PTBP2: variants seen among roughly 807,000 people sequenced by gnomAD.
PTBP2 encodes polypyrimidine tract-binding protein 2.
Under a neutral mutation model 61.4 loss-of-function variants are expected in PTBP2, and 13 were observed. The observed-to-expected ratio is 0.21, with a 90% confidence interval of 0.14 to 0.34. PTBP2 has a LOEUF of 0.34. Ranked by LOEUF, PTBP2 falls within the 10% of genes least tolerant of loss-of-function variation. The probability of loss-of-function intolerance (pLI) is 1.00; values close to 1 mark genes in which losing one functional copy is unlikely to be tolerated. For missense variants in PTBP2, 405 were observed against 642.6 expected, an observed-to-expected ratio of 0.63 and a Z score of 4.00; for synonymous variants, 215 against 218.5, an observed-to-expected ratio of 0.98 and a Z score of 0.14.
intron 1 of PTBP2, 130 bp downstream of exon 1, chr1:96,722,002 C>A: frequency 1.7e-6 from 2 of 1,185,824 alleles, no homozygotes; most frequent in Non-Finnish European, 2.4e-6. Flanking sequence ...CCAACCCCCG[C>A]CCCATCGCAC....
intron 2 of PTBP2, among the ~76,000 whole-genome samples, chr1:96,746,801 A>G (rs1051612528): frequency 5.1e-5 from 7 of 136,898 alleles, no homozygotes; most frequent in African/African-American, 1.7e-4. Context: ...TTGCCTTGTC[A>G]CTTCTTTATG....
At chr1:96,740,762 G>A (rs1652892198) in intron 2 of PTBP2, among the ~76,000 whole-genome samples, 1 of 151,378 alleles carries the variant, frequency 6.6e-6, no homozygotes, top group Non-Finnish European at 1.5e-5. Flanking sequence ...TGCTTTTCTT[G>A]TTCAGTGTTA....
intron 5 of PTBP2, chr1:96,771,454 TAC>T (rs1557735205): frequency 1.3e-5 from 2 of 151,936 alleles, no homozygotes; most frequent in Non-Finnish European, 2.9e-5. Flanking sequence ...GTCAGTAAAA[TAC>T]AAACTTTTTC....
Position 96,821,235 on chromosome 1 carries a change from A to AT in PTBP2, c.*7835dup, listed in dbSNP as rs996476981. 7.9e-5 allele frequency: 12 copies of AT among 152,076 alleles called. 1 individual carries two copies. The highest frequency in any genetic ancestry group is 5.9e-4 in the Admixed American group (9 of 15,266). 9.4% of individuals were successfully genotyped at this position (152,076 alleles called of 1,614,324 possible). Reference sequence around the variant, plus strand: ...TTTTAAGGTGAGATAATTATGAGACATTTTTCGACCTCAAAGTCTTTGTTC... The same window carrying AT: ...TTTTAAGGTGAGATAATTATGAGACATTTTTTCGACCTCAAAGTCTTTGTTC... On this transcript the variant is annotated 3_prime_UTR_variant, in exon 14 of 14. Transcript: ENST00000609116.
chr1:96,791,409 AG>A (rs1659775338), intron 8 of PTBP2, among the ~76,000 whole-genome samples: 1 of 152,210 alleles, frequency 6.6e-6, no homozygotes. Flanking sequence ...TAGGCTGTTC[AG>A]GGTTTCAGTA....
rs996576267 is a variant in PTBP2, at chr1:96,777,878, A to G, written c.640A>G (p.Thr214Ala). 1 of 1,593,768 alleles carries G rather than the reference A, an allele frequency of 6.3e-7. No homozygotes were observed. The highest frequency in any genetic ancestry group is 8.6e-7 in the Non-Finnish European group (1 of 1,169,024). ...FGAVLKIITF[T>A]KNNQFQALLQ... ...TGCTGTATTGAAGATAATCACATTTACAAAAAATAACCAGTTTCAAGCTTT... is the reference window on the plus strand; with the variant it reads ...TGCTGTATTGAAGATAATCACATTTGCAAAAAATAACCAGTTTCAAGCTTT... Residue 214 changes from threonine (T) to alanine (A), a missense_variant, in exon 7 of 14, where the codon ACA becomes GCA. Transcript: ENST00000674951.
At chr1:96,784,118 A>G (rs1253793145) in intron 7 of PTBP2, among the ~76,000 whole-genome samples, 1 of 152,154 alleles carries the variant, frequency 6.6e-6, no homozygotes, top group African/African-American at 2.4e-5. Flanking sequence ...TTATTCTTCT[A>G]ATGAAAAGTT....
intron 3 of PTBP2, among the ~76,000 whole-genome samples, chr1:96,759,542 A>G (rs1655554880): frequency 6.6e-6 from 1 of 152,244 alleles, no homozygotes; most frequent in Admixed American, 6.5e-5. Context: ...ATCATTCTGT[A>G]TAAAACAATG....
chr1:96,787,565 TTAAC>T (rs1659351037), intron 8 of PTBP2, among the ~76,000 whole-genome samples: 1 of 152,208 alleles, frequency 6.6e-6, no homozygotes, highest in Admixed American at 6.5e-5. Flanking sequence ...ACTGGGCTTT[TTAAC>T]TATACTCAAA....
chr1:96,721,998 C>G (rs1261214831), intron 1 of PTBP2, 126 bp downstream of exon 1: 17 of 1,255,544 alleles, frequency 1.4e-5, no homozygotes, highest in Admixed American at 2.0e-5. Context: ...TTACCCAACC[C>G]CCGCCCCATC....
chr1:96,740,558 G>C (rs12091544), intron 2 of PTBP2, among the ~76,000 whole-genome samples: 50,969 of 151,680 alleles, frequency 0.34, 8,711 homozygotes, highest in South Asian at 0.44. Context: ...TAAGCATTGA[G>C]TTGATAATAC....
intron 2 of PTBP2, among the ~76,000 whole-genome samples, chr1:96,736,960 C>T (rs1016482560): frequency 6.6e-6 from 1 of 150,502 alleles, no homozygotes; most frequent in Admixed American, 6.7e-5. Context: ...GATTACAGGA[C>T]TGAGTCTGGC....
In PTBP2 at chr1:96,777,624, A is replaced by C. The variant is rs746555705; in HGVS notation, c.472A>C (p.Thr158Pro). 19 of 1,613,036 alleles carry C rather than the reference A, an allele frequency of 1.2e-5. 1 individual carries two copies. The South Asian group carries it at 2.1e-4, about 18-fold the overall frequency. ...TCTTCAAGCTGTGACAGCTGTCCAG[A>C]CAGCAAATACTCCTCTTAGTGGCAC... ...AVLQAVTAVQ[T>P]ANTPLSGTTV... The change falls in exon 6 of 14, where the codon ACA becomes CCA. Residue 158 changes from threonine to proline, a missense_variant. Physicochemically the swap from Thr to Pro is conservative, Grantham distance 38 (BLOSUM62 -1). Transcript: ENST00000674951.
At chr1:96,803,052 G>A (rs1661181091) in intron 8 of PTBP2, among the ~76,000 whole-genome samples, 1 of 152,146 alleles carries the variant, frequency 6.6e-6, no homozygotes, top group South Asian at 2.1e-4. Flanking sequence ...TCCATTGAAT[G>A]TTAAATGAGA....
Position 96,785,236 on chromosome 1 carries a change from A to C in PTBP2, c.886A>C (p.Lys296Gln). The C allele has an allele frequency of 6.3e-7, 1 of 1,586,732 alleles. No individual in the cohort carries two copies. The stretch of plus-strand genomic sequence containing the variant: ...CCCAGCTATTGCTGCAGCATTTGCC[A>C]AGGAGACATCCCTCTTAGGTATGAT... Reference protein sequence around the residue: ...LDPAIAAAFAKETSLLAVPGA... With the variant: ...LDPAIAAAFAQETSLLAVPGA... Residue 296 changes from lysine to glutamine, a missense_variant, in exon 8 of 14, where the codon AAG (lysine) becomes CAG (glutamine). This residue lies in a region of PTBP2 where 342 missense variants were observed against 491.2 expected (regional missense o/e 0.70). Coordinates refer to ENST00000674951, the MANE Select transcript of PTBP2 (RefSeq NM_021190.4).
At chr1:96,780,595 C>A (rs185958766) in intron 7 of PTBP2, among the ~76,000 whole-genome samples, 1 of 152,096 alleles carries the variant, frequency 6.6e-6, no homozygotes, top group East Asian at 1.9e-4. Flanking sequence ...AATTCTCTTT[C>A]TTCCTGGTCT....
At chr1:96,797,030 G>T (rs1303696953) in intron 8 of PTBP2, among the ~76,000 whole-genome samples, 1 of 152,192 alleles carries the variant, frequency 6.6e-6, no homozygotes, top group Admixed American at 6.5e-5. Flanking sequence ...GTCATAGGAT[G>T]ATGCAGGGAA....
chr1:96,815,338 G>A (rs1004772573), downstream of PTBP2: 7 of 151,974 alleles, frequency 4.6e-5, no homozygotes, highest in African/African-American at 1.4e-4. Flanking sequence ...TTAACAAAAA[G>A]AACTTGATAT....
rs1178086341 is a variant in PTBP2, at chr1:96,812,765, C to T, written c.1225C>T (p.Leu409=). The change falls in exon 12 of 14, where the codon CTG becomes TTG. Residue 409 remains leucine, a synonymous_variant. Coordinates refer to ENST00000674951, the MANE Select transcript of PTBP2 (RefSeq NM_021190.4). Reference sequence around the variant, plus strand: ...GTATGGAAAAATTATTCGTGTTACTCTGTCTAAACATCAGACTGTACAGCT... The same window carrying T: ...GTATGGAAAAATTATTCGTGTTACTTTGTCTAAACATCAGACTGTACAGCT... ...KMYGKIIRVT[L]SKHQTVQLPR... is the part of the protein sequence containing the mutation. 6.2e-7 allele frequency: 1 copy of T among 1,610,292 alleles called. No homozygotes were observed. Among genetic ancestry groups the T allele is most frequent in the Non-Finnish European group, 8.5e-7 (1 of 1,176,664 alleles).
Sources: gnomAD v4.1 joint callset for allele counts (sites outside exome capture counted in the v4.1 genomes callset) on GRCh38, gnomAD v4.1.1 for gene constraint, gnomAD v4.1.1 regional missense constraint, MANE v1.5 for transcripts, NCBI Gene and HGNC (gene_info 2026-07-23, HGNC 2026-07-21) for gene names.